GLIS1: variants seen among roughly 807,000 people sequenced by gnomAD.
GLIS1 encodes GLIS family zinc finger 1.
GLIS1 carries 24 observed loss-of-function variants against 63.8 expected under a neutral mutation model. The observed-to-expected ratio is 0.38, with a 90% CI of 0.27 to 0.53. The LOEUF (loss-of-function observed/expected upper bound fraction) is 0.53. Among genes scored for constraint, GLIS1 ranks in the 20% least tolerant of loss-of-function variants. The pLI, the probability that GLIS1 is intolerant of heterozygous loss-of-function variation, is 0.85. For synonymous variants in GLIS1, 450 were observed against 482.5 expected, an observed-to-expected ratio of 0.93 and a Z score of 0.88; for missense variants, 1,036 against 1,074.1, an observed-to-expected ratio of 0.96 and a Z score of 0.50.
chr1:53,719,469 T>C (rs1344532734), intron 2 of GLIS1, among the ~76,000 whole-genome samples: 1 of 152,226 alleles, frequency 6.6e-6, no homozygotes, highest in Non-Finnish European at 1.5e-5. Flanking sequence ...AGTAAGGATC[T>C]CAAAATCAGA....
intron 3 of GLIS1, among the ~76,000 whole-genome samples, chr1:53,599,448 A>G (rs925548934): frequency 6.6e-5 from 10 of 152,370 alleles, no homozygotes; most frequent in Non-Finnish European, 1.2e-4. Flanking sequence ...GCCAGCAAGA[A>G]GGGCCTCACC....
chr1:53,561,687 C>G (rs1644893582), intron 4 of GLIS1, among the ~76,000 whole-genome samples: 1 of 152,198 alleles, frequency 6.6e-6, no homozygotes, highest in African/African-American at 2.4e-5. Context: ...TCAGAACATG[C>G]TGGGTTTGGC....
At chr1:53,536,931 G>A (rs112989413) in intron 4 of GLIS1, among the ~76,000 whole-genome samples, 3 of 152,220 alleles carry the variant, frequency 2.0e-5, no homozygotes, top group Non-Finnish European at 4.4e-5. Flanking sequence ...CACATGTGGG[G>A]TGTGTTACAG....
chr1:53,680,676 A>G (rs1557518612), intron 2 of GLIS1, among the ~76,000 whole-genome samples: 2 of 152,226 alleles, frequency 1.3e-5, no homozygotes, highest in Admixed American at 6.5e-5. Flanking sequence ...AACAAATCCT[A>G]TTTGGGGGAA....
chr1:53,731,129 CA>C (rs980024996), intron 2 of GLIS1, among the ~76,000 whole-genome samples: 2 of 152,206 alleles, frequency 1.3e-5, no homozygotes, highest in African/African-American at 4.8e-5. Context: ...AAGACTCAGA[CA>C]GGGACTACTA....
At chr1:53,633,501 G>GGT (rs1645692141) in intron 2 of GLIS1, among the ~76,000 whole-genome samples, 1 of 151,504 alleles carries the variant, frequency 6.6e-6, no homozygotes, top group African/African-American at 2.4e-5. Context: ...GTGGCTGAGG[G>GGT]GTGTGAATGA....
intron 4 of GLIS1, among the ~76,000 whole-genome samples, chr1:53,582,894 GA>G (rs1342865387): frequency 6.6e-6 from 1 of 152,238 alleles, no homozygotes; most frequent in African/African-American, 2.4e-5. Flanking sequence ...GGGAAGGAGG[GA>G]GGGGAGCAGG....
In GLIS1 at chr1:53,625,954, C is replaced by G. The variant is rs1569941497; in HGVS notation, c.260-25676G>C. Among the ~76,000 whole-genome samples the G allele has an allele frequency of 2.0e-5, 3 of 152,362 alleles. No individual in the cohort carries two copies. In the South Asian group the frequency reaches 6.2e-4, roughly 32 times the overall value. On this transcript the variant is annotated intron_variant, in intron 2 of 10. Coordinates refer to ENST00000628545, the MANE Select transcript of GLIS1 (RefSeq NM_001367484.1). ...TATCAGAGGTGACCTGCCTTCTCCA[C>G]AGAGGTCTGGGTTGGCCCCAGATGC...
intron 4 of GLIS1, 100 bp from the exon 5 acceptor site, chr1:53,530,052 C>T (rs1225945818): frequency 9.3e-7 from 1 of 1,079,680 alleles, no homozygotes; most frequent in Non-Finnish European, 1.3e-6. Context: ...GCACCCCTGC[C>T]CCTCCCATCC....
intron 4 of GLIS1, among the ~76,000 whole-genome samples, chr1:53,588,510 C>T (rs1277406190): frequency 6.6e-6 from 1 of 152,202 alleles, no homozygotes; most frequent in African/African-American, 2.4e-5. Context: ...GGTCTGTCTT[C>T]CCTGTTCTCT....
chr1:53,533,999 G>A (rs964973956), intron 4 of GLIS1, among the ~76,000 whole-genome samples: 11 of 152,084 alleles, frequency 7.2e-5, no homozygotes, highest in Admixed American at 6.5e-5. Context: ...TTACACACAC[G>A]GACCCTGGTG....
Position 53,718,698 on chromosome 1 carries a change from A to G in GLIS1, c.259+19108T>C, listed in dbSNP as rs567448775. ...ATCTGCAGACTTGTTCCCCATCCCCACCCCCTACTCCTAGAAAGTCTGTGG... is the reference window on the plus strand; with the variant it reads ...ATCTGCAGACTTGTTCCCCATCCCCGCCCCCTACTCCTAGAAAGTCTGTGG... On this transcript the variant is annotated intron_variant, in intron 2 of 10. Coordinates refer to ENST00000628545, the MANE Select transcript of GLIS1 (RefSeq NM_001367484.1). Among the ~76,000 whole-genome samples, 6 of 151,314 alleles carry G rather than the reference A, an allele frequency of 4.0e-5. No homozygotes were observed. The South Asian group carries it at 1.3e-3, about 32-fold the overall frequency.
chr1:53,517,921 G>C (rs1644368662), intron 7 of GLIS1, among the ~76,000 whole-genome samples: 1 of 152,242 alleles, frequency 6.6e-6, no homozygotes, highest in East Asian at 1.9e-4. Flanking sequence ...CAGCAGATGG[G>C]AATGAAGGAA....
At chr1:53,737,241 G>A (rs1241342660) in intron 2 of GLIS1, among the ~76,000 whole-genome samples, 1 of 152,212 alleles carries the variant, frequency 6.6e-6, no homozygotes, top group African/African-American at 2.4e-5. Context: ...CTAGGCTGCC[G>A]AAGCACCAAG....
At chr1:53,716,748 G>A (rs569668375) in intron 2 of GLIS1, among the ~76,000 whole-genome samples, 1 of 152,158 alleles carries the variant, frequency 6.6e-6, no homozygotes, top group East Asian at 1.9e-4. Context: ...GAAATGTAGA[G>A]GATCAATACA....
intron 2 of GLIS1, among the ~76,000 whole-genome samples, chr1:53,697,727 A>G (rs1165335881): frequency 6.6e-6 from 1 of 152,190 alleles, no homozygotes; most frequent in Non-Finnish European, 1.5e-5. Flanking sequence ...TGTCCTAAAC[A>G]CTTTTGCACG....
At chr1:53,716,006 G>T (rs1001540060) in intron 2 of GLIS1, among the ~76,000 whole-genome samples, 2 of 152,192 alleles carry the variant, frequency 1.3e-5, no homozygotes, top group Non-Finnish European at 2.9e-5. Context: ...GGCGAGAGTC[G>T]CACTGCAGGG....
chr1:53,697,928 T>C (rs1458795068), intron 2 of GLIS1, among the ~76,000 whole-genome samples: 1 of 152,118 alleles, frequency 6.6e-6, no homozygotes, highest in Non-Finnish European at 1.5e-5. Flanking sequence ...CTATGTAAAA[T>C]ACAAGGACGT....
At chr1:53,557,886 T>C (rs778963824) in intron 4 of GLIS1, among the ~76,000 whole-genome samples, 15 of 152,230 alleles carry the variant, frequency 9.9e-5, no homozygotes, top group East Asian at 1.9e-4. Flanking sequence ...TCTGAAGTCA[T>C]TGTTAACAGA....
Sources: allele counts gnomAD v4.1 joint callset (sites outside exome capture counted in the v4.1 genomes callset), GRCh38; gene constraint gnomAD v4.1.1; transcripts MANE v1.5; gene names NCBI Gene and HGNC (gene_info 2026-07-23, HGNC 2026-07-21).